ESCO2: variants seen among roughly 807,000 people sequenced by gnomAD.
ESCO2 encodes N-acetyltransferase ESCO2.
ESCO2 carries 51 observed loss-of-function variants against 61.7 expected under a neutral mutation model. The ratio of observed to expected loss-of-function variants is 0.83; its 90% CI spans 0.66 to 1.04. The LOEUF is 1.04. Ranked by LOEUF, ESCO2 falls within the 50% of genes least tolerant of loss-of-function variation. The pLI is 0.00. For synonymous variants in ESCO2, 230 were observed against 238.2 expected (o/e 0.97, Z 0.32); for missense variants, 692 against 686.2 (o/e 1.01, Z -0.09).
At chr8:27,785,501 A>T (rs1055704506) in intron 5 of ESCO2, among the ~76,000 whole-genome samples, 1 of 152,134 alleles carries the variant, frequency 6.6e-6, no homozygotes, top group Non-Finnish European at 1.5e-5. Flanking sequence ...CTGGAGTTTG[A>T]GACTAGCCTG....
At chr8:27,805,665 C>T (rs1480948217), downstream of ESCO2, among the ~76,000 whole-genome samples, 1 of 152,130 alleles carries the variant, frequency 6.6e-6, no homozygotes, top group Non-Finnish European at 1.5e-5. Flanking sequence ...GGCTGAAGTG[C>T]AGTGGTACAA....
chr8:27,791,883 TCTC>T (rs1805183021), intron 7 of ESCO2, 77 bp from the exon 8 acceptor site: 1 of 1,195,020 alleles, frequency 8.4e-7, no homozygotes, highest in South Asian at 1.2e-5. Flanking sequence ...CCTTTTGTCT[TCTC>T]CACATCAAAT....
In ESCO2 at chr8:27,804,168, TAGAGC is replaced by T; in HGVS notation, c.*734_*738del. The stretch of plus-strand genomic sequence containing the variant: ...TAAGATTATCCCATATGCATTTCTG[TAGAGC>T]AGAATTTGATAGCTTAGTGTTCAAT... On this transcript the variant is annotated 3_prime_UTR_variant, in exon 11 of 11. Transcript: ENST00000305188. The T allele has an allele frequency of 1.0e-6, 1 of 985,416 alleles. No homozygotes were observed. Among genetic ancestry groups the T allele is most frequent in the Non-Finnish European group, 1.2e-6 (1 of 829,882 alleles). 61.0% of individuals were successfully genotyped at this position (985,416 alleles called of 1,614,324 possible).
chr8:27,815,708 C>T (rs780202349), downstream of ESCO2, among the ~76,000 whole-genome samples: 7 of 152,166 alleles, frequency 4.6e-5, no homozygotes, highest in South Asian at 2.1e-4. Context: ...TCTAAAATAA[C>T]GGCTCCAATT....
At chr8:27,774,375 G>T (rs1804730059), upstream of ESCO2, 1 of 152,108 alleles carries the variant, frequency 6.6e-6, no homozygotes, top group Non-Finnish European at 1.5e-5. Context: ...GGGTGGCGTG[G>T]TTTCCCTCAG....
At chr8:27,815,653 T>G (rs142683089), downstream of ESCO2, among the ~76,000 whole-genome samples, 4 of 152,342 alleles carry the variant, frequency 2.6e-5, no homozygotes, top group African/African-American at 9.6e-5. Context: ...GTCAGATTCC[T>G]ACAAGGATCC....
downstream of ESCO2, among the ~76,000 whole-genome samples, chr8:27,816,359 T>TATATATATATATATATATA (rs1563489324): frequency 4.6e-3 from 574 of 125,756 alleles, 2 homozygotes; most frequent in East Asian, 0.011. Context: ...ATATATATAT[T>TATATATATATATATATATA]TATTTATTTA....
downstream of ESCO2, chr8:27,810,849 G>T (rs944595155): frequency 4.1e-6 from 3 of 737,908 alleles, no homozygotes; most frequent in Non-Finnish European, 6.6e-6. Flanking sequence ...AAACCTTGGT[G>T]GTACCAAATC....
chr8:27,803,788 T>C lies in ESCO2; in HGVS notation c.*350T>C. On this transcript the variant is annotated 3_prime_UTR_variant, in exon 11 of 11. Coordinates refer to ENST00000305188, the MANE Select transcript of ESCO2 (RefSeq NM_001017420.3). ...ATTTTTCTCTAGAAATGTGACCTGGTCTTTTATAAAGCCCACTCTTAGACC... is the reference window on the plus strand; with the variant it reads ...ATTTTTCTCTAGAAATGTGACCTGGCCTTTTATAAAGCCCACTCTTAGACC... 9.6e-7 allele frequency: 1 copy of C among 1,036,396 alleles called. No individual in the cohort carries two copies. The highest frequency in any genetic ancestry group is 1.2e-6 in the Non-Finnish European group (1 of 863,160). 64.2% of individuals were successfully genotyped at this position (1,036,396 alleles called of 1,614,324 possible).
chr8:27,803,895 A>G lies in ESCO2; in HGVS notation c.*457A>G. 1.0e-6 allele frequency: 1 copy of G among 986,668 alleles called. No homozygotes were observed. The highest frequency in any genetic ancestry group is 1.2e-6 in the Non-Finnish European group (1 of 833,774). The allele number at this position is 986,668 out of a possible 1,614,324, so 61.1% of individuals were successfully genotyped here. A position where few individuals can be genotyped will look rare whatever the true frequency, so the allele number is the denominator to read the frequency against. On this transcript the variant is annotated 3_prime_UTR_variant, in exon 11 of 11. Transcript: ENST00000305188. ...ATTTCTGTGCCCAATTTGTAAAGGGAATTCCTGAATTTTTTTTTTTTTTTA... is the reference window on the plus strand; with the variant it reads ...ATTTCTGTGCCCAATTTGTAAAGGGGATTCCTGAATTTTTTTTTTTTTTTA...
intron 9 of ESCO2, among the ~76,000 whole-genome samples, chr8:27,794,314 G>A (rs1169404666): frequency 1.3e-5 from 2 of 152,142 alleles, no homozygotes; most frequent in Non-Finnish European, 2.9e-5. Context: ...ACAGGCGTGA[G>A]GTGATCTTGT....
chr8:27,795,085 C>T (rs969975329), intron 9 of ESCO2, among the ~76,000 whole-genome samples: 1 of 152,156 alleles, frequency 6.6e-6, no homozygotes, highest in African/African-American at 2.4e-5. Flanking sequence ...ATAGGGATTG[C>T]ATTGCATTTG....
chr8:27,802,833 G>A (rs1218752801), intron 10 of ESCO2, among the ~76,000 whole-genome samples: 7 of 149,956 alleles, frequency 4.7e-5, no homozygotes, highest in South Asian at 2.1e-4. Context: ...TGCAACCTCC[G>A]CCTCCTGGGT....
intron 9 of ESCO2, among the ~76,000 whole-genome samples, chr8:27,795,212 G>A (rs1236667853): frequency 1.3e-5 from 2 of 152,044 alleles, no homozygotes; most frequent in Non-Finnish European, 2.9e-5. Context: ...GTGTTTTCTG[G>A]TCTTCAGTGT....
At chr8:27,795,325 T>C (rs1805270199) in intron 9 of ESCO2, among the ~76,000 whole-genome samples, 2 of 152,214 alleles carry the variant, frequency 1.3e-5, no homozygotes, top group African/African-American at 4.8e-5. Flanking sequence ...GATCATAGTT[T>C]GTTTTTCCTG....
At position 27,803,937 on chromosome 8, in the gene ESCO2, C is replaced by T; in HGVS notation, c.*499C>T. On this transcript the variant is annotated 3_prime_UTR_variant, in exon 11 of 11. Coordinates refer to ENST00000305188, the MANE Select transcript of ESCO2 (RefSeq NM_001017420.3). ...TTTTTTTTAATAGAGGCATGGGTCTCACTGTGTTGCCCAGGCTGGTCTGAA... is the reference window on the plus strand; with the variant it reads ...TTTTTTTTAATAGAGGCATGGGTCTTACTGTGTTGCCCAGGCTGGTCTGAA... 1.0e-6 allele frequency: 1 copy of T among 992,104 alleles called. No homozygotes were observed. 61.5% of individuals were successfully genotyped at this position (992,104 alleles called of 1,614,324 possible).
chr8:27,788,559 A>T (rs149299120), intron 6 of ESCO2, among the ~76,000 whole-genome samples: 1 of 151,614 alleles, frequency 6.6e-6, no homozygotes, highest in African/African-American at 2.4e-5. Context: ...GAGTCTCACC[A>T]TGTCGCCCAG....
downstream of ESCO2, among the ~76,000 whole-genome samples, chr8:27,813,326 G>C (rs61201459): frequency 0.022 from 3,322 of 152,138 alleles, 105 homozygotes; most frequent in African/African-American, 0.074. Flanking sequence ...CATGGGGTAG[G>C]GGGGAGGGAT....
In ESCO2 at chr8:27,776,857, T is replaced by C. The variant is rs907259826; in HGVS notation, c.549T>C (p.His183=). Residue 183 remains histidine (H), a synonymous_variant, in exon 3 of 11, where the codon CAT becomes CAC. Transcript: ENST00000305188. ...KPIVEKENNC[H]SAENNSNAPR... ...TTGTGGAGAAGGAAAATAATTGTCATTCAGCTGAAAATAATTCCAATGCTC... is the reference window on the plus strand; with the variant it reads ...TTGTGGAGAAGGAAAATAATTGTCACTCAGCTGAAAATAATTCCAATGCTC... 57 of 1,614,044 alleles carry C rather than the reference T, an allele frequency of 3.5e-5. No homozygotes were observed. The highest frequency in any genetic ancestry group is 4.5e-5 in the Non-Finnish European group (53 of 1,180,034).
Sources: gnomAD v4.1 joint callset for allele counts (sites outside exome capture counted in the v4.1 genomes callset) on GRCh38, gnomAD v4.1.1 for gene constraint, MANE v1.5 for transcripts, NCBI Gene and HGNC (gene_info 2026-07-23, HGNC 2026-07-21) for gene names.